NELL1: variants seen among roughly 807,000 people sequenced by gnomAD.
The protein encoded by NELL1 is neural EGFL like 1.
NELL1 carries 76 observed loss-of-function variants against 107.4 expected under a neutral mutation model. The ratio of observed to expected loss-of-function variants is 0.71; its 90% CI spans 0.59 to 0.86. The LOEUF is 0.86. Among genes scored for constraint, NELL1 ranks in the 40% least tolerant of loss-of-function variants. The pLI is 0.00. For synonymous variants in NELL1, 353 were observed against 341.2 expected (o/e 1.03, Z -0.38); for missense variants, 1,024 against 1,005.5 (o/e 1.02, Z -0.25).
chr11:20,937,717 A>C (rs1052720920), intron 9 of NELL1, 69 bp from the exon 10 acceptor site: 1 of 1,067,886 alleles, frequency 9.4e-7, no homozygotes, highest in Non-Finnish European at 1.5e-6. Flanking sequence ...TATTGGAGTT[A>C]GAAGGTACCT....
chr11:21,565,193 GCTGTAA>G (rs962702852), intron 17 of NELL1, among the ~76,000 whole-genome samples: 8 of 151,920 alleles, frequency 5.3e-5, no homozygotes, highest in African/African-American at 1.9e-4. Flanking sequence ...AGCTGTGCAA[GCTGTAA>G]GATTGTGTTT....
At chr11:20,901,984 A>T (rs1226285773) in intron 5 of NELL1, among the ~76,000 whole-genome samples, 2 of 152,106 alleles carry the variant, frequency 1.3e-5, no homozygotes, top group Non-Finnish European at 2.9e-5. Context: ...TCAAATATAT[A>T]CCTGGACCCC....
At chr11:21,067,677 A>T (rs1430380092) in intron 12 of NELL1, among the ~76,000 whole-genome samples, 1 of 152,186 alleles carries the variant, frequency 6.6e-6, no homozygotes, top group South Asian at 2.1e-4. Flanking sequence ...TATACCATGA[A>T]TAAGATATAT....
intron 13 of NELL1, among the ~76,000 whole-genome samples, chr11:21,200,148 T>C (rs908914737): frequency 1.3e-5 from 2 of 152,210 alleles, no homozygotes; most frequent in African/African-American, 4.8e-5. Flanking sequence ...TACAGTCCTT[T>C]GGGTATATAC....
intron 14 of NELL1, among the ~76,000 whole-genome samples, chr11:21,230,187 G>T (rs1160713617): frequency 6.6e-6 from 1 of 152,180 alleles, no homozygotes; most frequent in Non-Finnish European, 1.5e-5. Flanking sequence ...CACCAGGCTT[G>T]ATTTTTTTCT....
At chr11:20,916,616 C>A (rs1445855269) in intron 5 of NELL1, among the ~76,000 whole-genome samples, 3 of 151,900 alleles carry the variant, frequency 2.0e-5, no homozygotes, top group Non-Finnish European at 4.4e-5. Context: ...TCCACCAATT[C>A]TGCATCGCCT....
intron 2 of NELL1, among the ~76,000 whole-genome samples, chr11:20,743,533 A>G (rs1330303992): frequency 3.3e-5 from 5 of 152,072 alleles, no homozygotes; most frequent in African/African-American, 1.2e-4. Flanking sequence ...TTAGTTGTAT[A>G]TCTTCTTTAG....
chr11:20,996,393 G>A (rs935070592), intron 12 of NELL1, among the ~76,000 whole-genome samples: 30 of 152,170 alleles, frequency 2.0e-4, no homozygotes, highest in African/African-American at 7.0e-4. Context: ...GGGTTTCCAT[G>A]CATGATGAGT....
chr11:20,786,728 G>C (rs79402644), intron 3 of NELL1, among the ~76,000 whole-genome samples: 1 of 152,016 alleles, frequency 6.6e-6, no homozygotes, highest in African/African-American at 2.4e-5. Context: ...AGCTTTAGAG[G>C]CCAGGCGCGG....
At chr11:21,131,791 A>G (rs1042106816) in intron 13 of NELL1, among the ~76,000 whole-genome samples, 1 of 152,118 alleles carries the variant, frequency 6.6e-6, no homozygotes, top group African/African-American at 2.4e-5. Context: ...TCATTTTGAC[A>G]TATTTCTTTG....
At chr11:20,741,280 G>A (rs752236034) in intron 2 of NELL1, among the ~76,000 whole-genome samples, 17 of 152,046 alleles carry the variant, frequency 1.1e-4, no homozygotes, top group Non-Finnish European at 1.8e-4. Flanking sequence ...CTTAATCCAC[G>A]TCCCAAATAC....
At chr11:21,255,526 G>A (rs1858746565) in intron 14 of NELL1, among the ~76,000 whole-genome samples, 1 of 151,650 alleles carries the variant, frequency 6.6e-6, no homozygotes, top group South Asian at 2.1e-4. Flanking sequence ...AACATCTGGG[G>A]GAGAAAAAAA....
intron 12 of NELL1, among the ~76,000 whole-genome samples, chr11:20,964,633 C>G (rs1036745908): frequency 1.3e-5 from 2 of 152,186 alleles, no homozygotes; most frequent in Non-Finnish European, 2.9e-5. Flanking sequence ...TTCTGCCTGA[C>G]TTAAATGCTC....
At chr11:20,708,738 A>G (rs1360628425) in intron 2 of NELL1, among the ~76,000 whole-genome samples, 1 of 152,026 alleles carries the variant, frequency 6.6e-6, no homozygotes, top group Non-Finnish European at 1.5e-5. Context: ...ATTAGGTCCC[A>G]TCCATTTATT....
intron 13 of NELL1, among the ~76,000 whole-genome samples, chr11:21,154,433 A>T (rs1297548404): frequency 6.6e-6 from 1 of 152,206 alleles, no homozygotes; most frequent in Non-Finnish European, 1.5e-5. Flanking sequence ...ATCCAATTCC[A>T]TTCAATCCAT....
chr11:20,930,774 A>G (rs976591560), intron 9 of NELL1, among the ~76,000 whole-genome samples: 1 of 149,566 alleles, frequency 6.7e-6, no homozygotes, highest in African/African-American at 2.4e-5. Context: ...TTTTATTAAA[A>G]TGTTGATACA....
At position 20,727,678 on chromosome 11, in the gene NELL1, A is replaced by G. The variant is rs555501536; in HGVS notation, c.184+49618A>G. 2.2e-3 allele frequency among the ~76,000 whole-genome samples: 336 copies of G among 152,270 alleles called. 2 individuals carry two copies. Among genetic ancestry groups the G allele is most frequent in the Middle Eastern group, 3.4e-3 (1 of 294 alleles). ...AGTCATGAAGCCCTTGCCCATGCCT[A>G]TGTCCTGAATGGTATTGCCTAGGTT... On this transcript the variant is annotated intron_variant, in intron 2 of 19. Coordinates refer to ENST00000357134, the MANE Select transcript of NELL1 (RefSeq NM_006157.5).
At chr11:20,841,516 A>G (rs1187623762) in intron 3 of NELL1, among the ~76,000 whole-genome samples, 1 of 152,148 alleles carries the variant, frequency 6.6e-6, no homozygotes, top group Admixed American at 6.5e-5. Flanking sequence ...TGCTGACATA[A>G]TATCAGGAAT....
intron 2 of NELL1, among the ~76,000 whole-genome samples, chr11:20,705,396 C>G (rs559489410): frequency 6.6e-5 from 10 of 152,080 alleles, no homozygotes; most frequent in East Asian, 1.9e-4. Flanking sequence ...ACAAACCTGA[C>G]AAAAACAAGC....
Sources: allele counts gnomAD v4.1 joint callset (sites outside exome capture counted in the v4.1 genomes callset), GRCh38; gene constraint gnomAD v4.1.1; transcripts MANE v1.5; gene names NCBI Gene and HGNC (gene_info 2026-07-23, HGNC 2026-07-21).